Variants in CPEB3 observed in about 807,000 individuals in gnomAD.
CPEB3 encodes cytoplasmic polyadenylation element-binding protein 3.
A neutral mutation model predicts 67.2 loss-of-function variants in CPEB3; 20 were observed. That is an observed-to-expected ratio of 0.30 (90% CI 0.21 to 0.43). The LOEUF is 0.43. Ranked by LOEUF, CPEB3 falls within the 20% of genes least tolerant of loss-of-function variation. The pLI is 1.00. For synonymous variants in CPEB3, 376 were observed against 393.1 expected, an observed-to-expected ratio of 0.96 and a Z score of 0.51; for missense variants, 746 against 968.6, an observed-to-expected ratio of 0.77 and a Z score of 3.05.
intron 1 of CPEB3, 136 bp from the exon 2 acceptor site, chr10:92,240,497 C>T: frequency 1.2e-6 from 1 of 854,656 alleles, no homozygotes; most frequent in Non-Finnish European, 1.7e-6. Flanking sequence ...CCATAATCTC[C>T]CATTTAGAAG....
intron 6 of CPEB3, among the ~76,000 whole-genome samples, chr10:92,124,110 T>C (rs77526735): frequency 0.015 from 2,216 of 152,320 alleles, 55 homozygotes; most frequent in African/African-American, 0.05. Flanking sequence ...ATAAAAGTTC[T>C]CATCAGGAGG....
chr10:92,187,893 C>T (rs1050775552), intron 3 of CPEB3, among the ~76,000 whole-genome samples: 2 of 152,062 alleles, frequency 1.3e-5, no homozygotes, highest in African/African-American at 2.4e-5. Flanking sequence ...TTCTGTACTT[C>T]GAAAAAGAAA....
rs1851729454 is a variant in CPEB3 at position 92,239,718 on chromosome 10, G to A, written c.633C>T (p.Gly211=). The A allele has an allele frequency of 3.9e-6, 6 of 1,543,124 alleles. No individual in the cohort carries two copies. The highest frequency in any genetic ancestry group is 5.2e-6 in the Non-Finnish European group (6 of 1,149,912). The change falls in exon 2 of 10, where the codon GGC becomes GGT. Residue 211 remains glycine (G), a synonymous_variant. Coordinates refer to ENST00000265997, the MANE Select transcript of CPEB3 (RefSeq NM_014912.5). This position sits in a 1 kb window ranked among gnomAD's most constrained non-coding sequence, Gnocchi z 6.0. ...GCTTGCTGGTCATGATGGGCTGGTG[G>A]CCGTACGCCGCGGCGGCGCTCCTCT... ...YAQRSAAAAY[G]HQPIMTSKPS...
Position 92,230,957 on chromosome 10 carries a change from G to A in CPEB3, c.1005+8389C>T, listed in dbSNP as rs1851238588. On this transcript the variant is annotated intron_variant, in intron 2 of 9. Coordinates refer to ENST00000265997, the MANE Select transcript of CPEB3 (RefSeq NM_014912.5). ...TGGCCTACAGGGAAATGGTGGTAAGGAGATTCAAATTAGACCTTTGATATC... is the reference window on the plus strand; with the variant it reads ...TGGCCTACAGGGAAATGGTGGTAAGAAGATTCAAATTAGACCTTTGATATC... Among the ~76,000 whole-genome samples, 3 of 152,168 alleles carry A rather than the reference G, an allele frequency of 2.0e-5. No homozygotes were observed. In the South Asian group the frequency reaches 6.2e-4, roughly 32 times the overall value.
At chr10:92,144,041 CTA>C (rs1200745528) in intron 5 of CPEB3, among the ~76,000 whole-genome samples, 5 of 152,168 alleles carry the variant, frequency 3.3e-5, no homozygotes, top group Admixed American at 6.5e-5. Context: ...CCTACTGGAA[CTA>C]GAGTTGTTTT....
At chr10:92,059,325 C>CAAAAAAAAAAAAAAAAA (rs61034093) in intron 9 of CPEB3, among the ~76,000 whole-genome samples, 7 of 101,198 alleles carry the variant, frequency 6.9e-5, no homozygotes, top group Non-Finnish European at 9.9e-5. Flanking sequence ...GAAACTCTGT[C>CAAAAAAAAAAAAAAAAA]AAAAAAAAAA....
intron 7 of CPEB3, among the ~76,000 whole-genome samples, chr10:92,103,289 A>G (rs887334133): frequency 6.6e-6 from 1 of 152,250 alleles, no homozygotes; most frequent in Non-Finnish European, 1.5e-5. Context: ...TCACTCAGAA[A>G]GCATAAACAT....
At chr10:92,171,807 G>A (rs1466946295) in intron 4 of CPEB3, among the ~76,000 whole-genome samples, 1 of 152,086 alleles carries the variant, frequency 6.6e-6, no homozygotes, top group African/African-American at 2.4e-5. Context: ...TAGAGATGGG[G>A]TTTCACCATG....
At chr10:92,260,473 C>G (rs952503913) in intron 1 of CPEB3, among the ~76,000 whole-genome samples, 1 of 151,168 alleles carries the variant, frequency 6.6e-6, no homozygotes, top group Non-Finnish European at 1.5e-5. Context: ...ATCACTTGAA[C>G]CCAGGAAGCA....
intron 1 of CPEB3, among the ~76,000 whole-genome samples, chr10:92,254,229 TA>T (rs61680875): frequency 0.032 from 4,597 of 143,748 alleles, 198 homozygotes; most frequent in African/African-American, 0.099. Context: ...ACCCTGCCTT[TA>T]AAAAAAAAAA....
intron 1 of CPEB3, among the ~76,000 whole-genome samples, chr10:92,272,490 C>T (rs550439660): frequency 6.6e-6 from 1 of 152,276 alleles, no homozygotes; most frequent in East Asian, 1.9e-4. Context: ...TATAGGCACA[C>T]ATCTCTATGT....
intron 8 of CPEB3, among the ~76,000 whole-genome samples, chr10:92,081,956 TTAAC>T (rs1042047118): frequency 6.6e-5 from 10 of 152,360 alleles, no homozygotes; most frequent in South Asian, 2.1e-4. Flanking sequence ...ATAGAAAGGA[TTAAC>T]TAACTGCTTG....
intron 4 of CPEB3, among the ~76,000 whole-genome samples, chr10:92,149,853 T>C (rs1359385220): frequency 6.6e-6 from 1 of 152,198 alleles, no homozygotes; most frequent in Non-Finnish European, 1.5e-5. Context: ...TCCCCAGTGA[T>C]TCCTATGCTC....
chr10:92,272,962 T>C (rs1478119367), intron 1 of CPEB3, among the ~76,000 whole-genome samples: 1 of 152,086 alleles, frequency 6.6e-6, no homozygotes, highest in African/African-American at 2.4e-5. Flanking sequence ...AATATGACAC[T>C]GGTAAGTACT....
chr10:92,254,523 T>A (rs997162791), intron 1 of CPEB3, among the ~76,000 whole-genome samples: 1 of 152,208 alleles, frequency 6.6e-6, no homozygotes, highest in Admixed American at 6.5e-5. Context: ...TGGGTTTTTT[T>A]ATGTTTCTCA....
intron 9 of CPEB3, among the ~76,000 whole-genome samples, chr10:92,057,452 T>G (rs757265911): frequency 6.6e-6 from 1 of 152,204 alleles, no homozygotes; most frequent in African/African-American, 2.4e-5. Flanking sequence ...CCAGGTAGAC[T>G]TCTAAGGTTT....
At chr10:92,060,555 G>A (rs1302088019) in intron 9 of CPEB3, among the ~76,000 whole-genome samples, 1 of 151,994 alleles carries the variant, frequency 6.6e-6, no homozygotes, top group Non-Finnish European at 1.5e-5. Context: ...GCACAGCAAA[G>A]GATAAAATCA....
At chr10:92,096,365 G>C (rs1359505812) in intron 7 of CPEB3, among the ~76,000 whole-genome samples, 3 of 152,086 alleles carry the variant, frequency 2.0e-5, no homozygotes, top group East Asian at 3.9e-4. Context: ...CATGGATTTT[G>C]GTATCTGAGG....
intron 9 of CPEB3, among the ~76,000 whole-genome samples, chr10:92,052,794 G>A (rs938711433): frequency 6.6e-6 from 1 of 152,198 alleles, no homozygotes; most frequent in African/African-American, 2.4e-5. Flanking sequence ...GATTAAGAGG[G>A]GCTGTGCACG....
Sources: gnomAD v4.1 joint callset for allele counts (sites outside exome capture counted in the v4.1 genomes callset) on GRCh38, gnomAD v4.1.1 for gene constraint, Gnocchi (gnomAD v3.1) non-coding constraint, MANE v1.5 for transcripts, NCBI Gene and HGNC (gene_info 2026-07-23, HGNC 2026-07-21) for gene names.